WASHC2A: variants seen among roughly 807,000 people sequenced by gnomAD.
The protein encoded by WASHC2A is WASH complex subunit 2A.
Under a neutral mutation model 140.3 loss-of-function variants are expected in WASHC2A, and 82 were observed. The observed-to-expected ratio is 0.58, with a 90% CI of 0.49 to 0.70. WASHC2A has a LOEUF of 0.70. WASHC2A is among the 30% of genes least tolerant of loss of function. WASHC2A has a pLI of 0.00. For synonymous variants in WASHC2A, 340 were observed against 560.8 expected, an observed-to-expected ratio of 0.61 and a Z score of 5.56; for missense variants, 985 against 1,521.8, an observed-to-expected ratio of 0.65 and a Z score of 5.87.
chr10:50,075,205 T>C (rs1167387304), intron 3 of WASHC2A, among the ~76,000 whole-genome samples: 2 of 151,748 alleles, frequency 1.3e-5, no homozygotes, highest in East Asian at 1.9e-4. Flanking sequence ...TTAAATGTTA[T>C]TTATGAAATG....
At chr10:50,088,220 G>C (rs1344603896) in intron 8 of WASHC2A, among the ~76,000 whole-genome samples, 4 of 138,762 alleles carry the variant, frequency 2.9e-5, no homozygotes, top group African/African-American at 7.7e-5. Flanking sequence ...TAAGGGAAAG[G>C]GTTTATTTCT....
rs549029968 is a variant in WASHC2A, at chr10:50,130,166, T to C, written c.3708+127T>C. 11 of 1,229,952 alleles carry C rather than the reference T, an allele frequency of 8.9e-6. No homozygotes were observed. In the Admixed American group the frequency reaches 2.5e-4, roughly 28 times the overall value. The allele number at this position is 1,229,952 out of a possible 1,614,324, so 76.2% of individuals were successfully genotyped here. A position where few individuals can be genotyped will look rare whatever the true frequency, so the allele number is the denominator to read the frequency against. On this transcript the variant is annotated intron_variant, in intron 29 of 30. Coordinates refer to ENST00000282633, the MANE Select transcript of WASHC2A (RefSeq NM_001005751.3). ...CCCATAGCCACTTGCTTAGTAATTA[T>C]AATTAGGCTCTTTTATTAATAAGTT...
intron 23 of WASHC2A, among the ~76,000 whole-genome samples, chr10:50,124,023 A>G (rs1298908347): frequency 2.0e-5 from 3 of 152,202 alleles, no homozygotes; most frequent in Admixed American, 6.5e-5. Context: ...ATTTTTATAT[A>G]TAACAATAAT....
At chr10:50,128,207 G>A (rs1357179176) in intron 28 of WASHC2A, among the ~76,000 whole-genome samples, 1 of 151,720 alleles carries the variant, frequency 6.6e-6, no homozygotes, top group Non-Finnish European at 1.5e-5. Flanking sequence ...CAGCCCATGT[G>A]TGCAGCTTCC....
At position 50,129,949 on chromosome 10, in the gene WASHC2A, T is replaced by A; in HGVS notation, c.3618T>A (p.Asp1206Glu). Residue 1206 changes from aspartate (D) to glutamate (E), a missense_variant, in exon 29 of 31, where the codon GAT becomes GAA. Asp to Glu is a conservative substitution (Grantham distance 45). Coordinates refer to ENST00000282633, the MANE Select transcript of WASHC2A (RefSeq NM_001005751.3). ...TNPFPLLEDEDDLFTDQKVKK... is the reference protein window; with the variant it reads ...TNPFPLLEDEEDLFTDQKVKK... ...CCTTTCCTCTCCTGGAAGATGAGGA[T>A]GACCTCTTTACAGATCAGAAAGTCA... 6.2e-7 allele frequency: 1 copy of A among 1,611,952 alleles called. No individual in the cohort carries two copies. Among genetic ancestry groups the A allele is most frequent in the Non-Finnish European group, 8.5e-7 (1 of 1,179,846 alleles).
At chr10:50,103,863 C>T (rs1454514795) in intron 17 of WASHC2A, among the ~76,000 whole-genome samples, 179 bp from the exon 18 acceptor site, 16 of 152,072 alleles carry the variant, frequency 1.1e-4, no homozygotes, top group Non-Finnish European at 1.9e-4. Flanking sequence ...ACTGCACACA[C>T]CCTGCACAGA....
At chr10:50,070,267 A>C (rs1216196861) in intron 3 of WASHC2A, among the ~76,000 whole-genome samples, 3 of 152,196 alleles carry the variant, frequency 2.0e-5, no homozygotes, top group African/African-American at 7.2e-5. Flanking sequence ...AGGAATACAT[A>C]GGTAAATTAG....
intron 29 of WASHC2A, among the ~76,000 whole-genome samples, 196 bp from the exon 30 acceptor site, chr10:50,130,705 C>T (rs1189164700): frequency 6.6e-6 from 1 of 152,116 alleles, no homozygotes; most frequent in Non-Finnish European, 1.5e-5. Flanking sequence ...ACTGCAGTGC[C>T]GGCATTTGAG....
At position 50,068,997 on chromosome 10, in the gene WASHC2A, G is replaced by C. The variant is rs1163737614; in HGVS notation, c.127-550G>C. On this transcript the variant is annotated intron_variant, in intron 2 of 30. Transcript: ENST00000282633. Reference sequence around the variant, plus strand: ...CCTCCCAAAGTATTGGATTACAAGCGTGAGCCACCATACCCAGTGCCAAAA... The same window carrying C: ...CCTCCCAAAGTATTGGATTACAAGCCTGAGCCACCATACCCAGTGCCAAAA... Among the ~76,000 whole-genome samples, 8 of 145,082 alleles carry C rather than the reference G, an allele frequency of 5.5e-5. 2 individuals carry two copies. The highest frequency in any genetic ancestry group is 2.1e-4 in the African/African-American group (8 of 38,544).
At chr10:50,073,283 TAAAA>T (rs1186915911) in intron 3 of WASHC2A, among the ~76,000 whole-genome samples, 6 of 150,112 alleles carry the variant, frequency 4.0e-5, no homozygotes, top group African/African-American at 1.2e-4. Context: ...TTTGTAAAAT[TAAAA>T]AAAAAATTCC....
chr10:50,087,305 G>A lies in WASHC2A; in HGVS notation c.715G>A (p.Asp239Asn). Residue 239 changes from aspartate (D) to asparagine (N), a missense_variant, in exon 8 of 31, where the codon GAC (aspartate) becomes AAC (asparagine). Physicochemically the swap from Asp to Asn is conservative, Grantham distance 23. Transcript: ENST00000282633. ...AGATGAAGATTTTGCCCATCATAGTGACAATGAACAAAACCGGGTAAGGCT... is the reference window on the plus strand; with the variant it reads ...AGATGAAGATTTTGCCCATCATAGTAACAATGAACAAAACCGGGTAAGGCT... ...ESDEDFAHHS[D>N]NEQNRHTTQM... 3 of 1,613,896 alleles carry A rather than the reference G, an allele frequency of 1.9e-6. No homozygotes were observed. The highest frequency in any genetic ancestry group is 2.2e-5 in the South Asian group (2 of 91,070).
Position 50,095,195 on chromosome 10 carries a change from T to C in WASHC2A, c.1228T>C (p.Ser410Pro). ...AAAGAAAATCCCAGCAGGAGCTGTTTCTGTATTTTTAGGTAACATAACTTA... is the reference window on the plus strand; with the variant it reads ...AAAGAAAATCCCAGCAGGAGCTGTTCCTGTATTTTTAGGTAACATAACTTA... ...PGKKIPAGAV[S>P]VFLGDTDVFG... Residue 410 changes from serine to proline, a missense_variant, in exon 14 of 31, where the codon TCT (serine) becomes CCT (proline). Ser to Pro is a moderately conservative substitution (Grantham distance 74). Transcript: ENST00000282633. 1 of 1,587,698 alleles carries C rather than the reference T, an allele frequency of 6.3e-7. No individual in the cohort carries two copies. The highest frequency in any genetic ancestry group is 8.6e-7 in the Non-Finnish European group (1 of 1,165,512).
intron 4 of WASHC2A, among the ~76,000 whole-genome samples, chr10:50,079,549 A>G (rs1838706430): frequency 6.6e-6 from 1 of 152,156 alleles, no homozygotes; most frequent in East Asian, 1.9e-4. Flanking sequence ...GGCGTGTGCC[A>G]CCACGCCTGG....
At position 50,132,806 on chromosome 10, in the gene WASHC2A, A is replaced by G; in HGVS notation, c.3887A>G (p.Asp1296Gly). 6.2e-7 allele frequency: 1 copy of G among 1,611,930 alleles called. No individual in the cohort carries two copies. The highest frequency in any genetic ancestry group is 8.5e-7 in the Non-Finnish European group (1 of 1,179,844). Residue 1296 changes from aspartate (D) to glycine (G), a missense_variant and splice_region_variant, in exon 31 of 31, where the codon GAT (aspartate) becomes GGT (glycine). Asp to Gly is a moderately conservative substitution (Grantham distance 94). Coordinates refer to ENST00000282633, the MANE Select transcript of WASHC2A (RefSeq NM_001005751.3). The part of the protein sequence containing the change: ...EAKSIFDDDM[D>G]DIFSSGIQAK... ...CCGTTCTTCTTTTTTCTTTCTAAAG[A>G]TGACATCTTCTCCTCTGGTATCCAG...
At chr10:50,116,115 CA>C (rs1238566392) in intron 21 of WASHC2A, among the ~76,000 whole-genome samples, 2,036 of 43,808 alleles carry the variant, frequency 0.046, no homozygotes, top group African/African-American at 0.095. Flanking sequence ...GACTCCATCT[CA>C]AAAAAAAAAA....
intron 16 of WASHC2A, among the ~76,000 whole-genome samples, chr10:50,099,688 C>T (rs1331650526): frequency 2.2e-5 from 3 of 136,884 alleles, no homozygotes; most frequent in East Asian, 5.5e-4. Flanking sequence ...CAGAACCTGT[C>T]AGGCCCGTCA....
Position 50,068,237 on chromosome 10 carries a change from G to A in WASHC2A, c.126+10G>A, listed in dbSNP as rs1172182150. The A allele has an allele frequency of 6.4e-7, 1 of 1,564,204 alleles. No homozygotes were observed. Among genetic ancestry groups the A allele is most frequent in the Non-Finnish European group, 8.7e-7 (1 of 1,154,714 alleles). Reference sequence around the variant, plus strand: ...GGCGGCCGACGCGGGCGTGAGAGGCGGGCCCCGGGGACGCGAGAGCGGCAG... The same window carrying A: ...GGCGGCCGACGCGGGCGTGAGAGGCAGGCCCCGGGGACGCGAGAGCGGCAG... On this transcript the variant is annotated intron_variant, in intron 2 of 30. Coordinates refer to ENST00000282633, the MANE Select transcript of WASHC2A (RefSeq NM_001005751.3).
intron 5 of WASHC2A, among the ~76,000 whole-genome samples, chr10:50,082,679 A>G (rs1839018740): frequency 6.7e-6 from 1 of 148,804 alleles, no homozygotes; most frequent in Non-Finnish European, 1.5e-5. Flanking sequence ...GGGTTTCACC[A>G]TGGTGACCAG....
intron 16 of WASHC2A, 59 bp downstream of exon 16, chr10:50,097,861 T>A (rs1840640998): frequency 6.2e-7 from 1 of 1,611,012 alleles, no homozygotes; most frequent in South Asian, 1.1e-5. Flanking sequence ...TAATAATTCA[T>A]CCTGAACCCA....
Sources: allele counts gnomAD v4.1 joint callset (sites outside exome capture counted in the v4.1 genomes callset), GRCh38; gene constraint gnomAD v4.1.1; transcripts MANE v1.5; gene names NCBI Gene and HGNC (gene_info 2026-07-23, HGNC 2026-07-21).